UBE2E2: variants seen among roughly 807,000 people sequenced by gnomAD.
UBE2E2 encodes the protein ubiquitin conjugating enzyme E2 E2, also known as ubiquitin-conjugating enzyme E2 E2.
A neutral mutation model predicts 24.7 loss-of-function variants in UBE2E2; 6 were observed. The ratio of observed to expected loss-of-function variants is 0.24; its 90% CI spans 0.13 to 0.48. The LOEUF (loss-of-function observed/expected upper bound fraction) is 0.48. Ranked by LOEUF, UBE2E2 falls within the 20% of genes least tolerant of loss-of-function variation. The probability of loss-of-function intolerance (pLI) is 0.99; values close to 1 mark genes in which losing one functional copy is unlikely to be tolerated. For synonymous variants in UBE2E2, 104 were observed against 83.6 expected (o/e 1.24, Z -1.33); for missense variants, 169 against 245.0 (o/e 0.69, Z 2.07).
At chr3:23,298,692 G>T (rs62255343) in intron 3 of UBE2E2, among the ~76,000 whole-genome samples, 18 of 151,922 alleles carry the variant, frequency 1.2e-4, no homozygotes, top group African/African-American at 4.3e-4. Flanking sequence ...CGGTTTGCCA[G>T]TATTTTATTG....
chr3:23,524,150 C>CTTTTTTTTTTTTTTTTTT, intron 4 of UBE2E2, among the ~76,000 whole-genome samples: 1 of 151,952 alleles, frequency 6.6e-6, no homozygotes, highest in African/African-American at 2.4e-5. Context: ...ATTAGTTTTT[C>CTTTTTTTTTTTTTTTTTT]ATCTTGGAGG....
At chr3:23,497,193 G>A (rs1229161197) in intron 3 of UBE2E2, among the ~76,000 whole-genome samples, 1 of 152,130 alleles carries the variant, frequency 6.6e-6, no homozygotes, top group Non-Finnish European at 1.5e-5. Flanking sequence ...ACTTTTTCTT[G>A]TAATGGCATG....
intron 4 of UBE2E2, among the ~76,000 whole-genome samples, chr3:23,515,832 A>G (rs1313716275): frequency 6.6e-6 from 1 of 151,584 alleles, no homozygotes; most frequent in East Asian, 1.9e-4. Flanking sequence ...AAAACGAGCC[A>G]GGCGTGGTAG....
intron 3 of UBE2E2, among the ~76,000 whole-genome samples, chr3:23,451,637 G>C (rs918788041): frequency 2.6e-5 from 4 of 152,150 alleles, no homozygotes; most frequent in African/African-American, 4.8e-5. Context: ...TCCAAAATAA[G>C]CTAATATCCT....
intron 2 of UBE2E2, among the ~76,000 whole-genome samples, chr3:23,211,163 C>T (rs931338171): frequency 2.6e-5 from 4 of 152,044 alleles, no homozygotes; most frequent in East Asian, 1.9e-4. Context: ...TTATAGGGAT[C>T]GGATTTTCCA....
At chr3:23,442,051 A>G (rs1234264086) in intron 3 of UBE2E2, among the ~76,000 whole-genome samples, 1 of 152,174 alleles carries the variant, frequency 6.6e-6, no homozygotes, top group Admixed American at 6.5e-5. Context: ...TGTTGATTGT[A>G]ACTTTGGACT....
intron 3 of UBE2E2, among the ~76,000 whole-genome samples, chr3:23,410,898 C>T (rs143524958): frequency 2.3e-4 from 35 of 152,188 alleles, no homozygotes; most frequent in African/African-American, 4.6e-4. Flanking sequence ...AGAAGCAAAA[C>T]GCTTGAAAAA....
At chr3:23,219,448 G>A (rs997418811) in intron 3 of UBE2E2, among the ~76,000 whole-genome samples, 6 of 152,150 alleles carry the variant, frequency 3.9e-5, no homozygotes, top group Non-Finnish European at 7.4e-5. Flanking sequence ...CGGTGAAAAT[G>A]TGGTTACCAT....
chr3:23,465,826 G>C (rs1201069900), intron 3 of UBE2E2, among the ~76,000 whole-genome samples: 2 of 152,024 alleles, frequency 1.3e-5, no homozygotes, highest in Non-Finnish European at 2.9e-5. Context: ...GATAGCAAAG[G>C]AAAAGTGTAT....
chr3:23,329,015 A>G (rs1302796990), intron 3 of UBE2E2, among the ~76,000 whole-genome samples: 4 of 152,322 alleles, frequency 2.6e-5, no homozygotes, highest in Non-Finnish European at 4.4e-5. Context: ...TAAATTGAGT[A>G]CAATACTCAA....
At chr3:23,427,523 A>G (rs1337070033) in intron 3 of UBE2E2, among the ~76,000 whole-genome samples, 1 of 152,206 alleles carries the variant, frequency 6.6e-6, no homozygotes, top group African/African-American at 2.4e-5. Context: ...AGGGCAACAA[A>G]TAGAAAATTG....
intron 3 of UBE2E2, among the ~76,000 whole-genome samples, chr3:23,263,659 T>C (rs569336435): frequency 5.9e-5 from 9 of 152,348 alleles, no homozygotes; most frequent in Non-Finnish European, 1.2e-4. Flanking sequence ...AACATAGCCC[T>C]GCTTAATTTT....
intron 4 of UBE2E2, among the ~76,000 whole-genome samples, chr3:23,502,821 C>T (rs1699753088): frequency 6.6e-6 from 1 of 152,040 alleles, no homozygotes; most frequent in South Asian, 2.1e-4. Context: ...TATGTTTATG[C>T]CTTTTACTTA....
intron 3 of UBE2E2, among the ~76,000 whole-genome samples, chr3:23,397,246 A>C (rs1387933971): frequency 6.6e-6 from 1 of 152,194 alleles, no homozygotes; most frequent in African/African-American, 2.4e-5. Context: ...TGGAAGACCT[A>C]GTTGTCATCA....
intron 3 of UBE2E2, among the ~76,000 whole-genome samples, chr3:23,310,762 GATA>G (rs898507836): frequency 6.7e-4 from 102 of 152,244 alleles, no homozygotes; most frequent in African/African-American, 2.4e-3. Context: ...ACACATAAAA[GATA>G]ATGTCAGTTG....
chr3:23,495,789 C>G (rs964901492), intron 3 of UBE2E2, among the ~76,000 whole-genome samples: 5 of 152,168 alleles, frequency 3.3e-5, no homozygotes, highest in Non-Finnish European at 7.4e-5. Context: ...CATTGCCAGC[C>G]TCAGGAAAAG....
At chr3:23,313,303 A>AT (rs1694464082) in intron 3 of UBE2E2, among the ~76,000 whole-genome samples, 2 of 125,862 alleles carry the variant, frequency 1.6e-5, no homozygotes, top group African/African-American at 3.0e-5. Context: ...TGCATGGAAT[A>AT]TTTTTTTTCT....
At chr3:23,566,999 C>G (rs1315670142) in intron 5 of UBE2E2, among the ~76,000 whole-genome samples, 1 of 152,190 alleles carries the variant, frequency 6.6e-6, no homozygotes, top group Non-Finnish European at 1.5e-5. Context: ...AGAAAGTGAA[C>G]TTGACTGTGC....
chr3:23,215,447 C>T (rs1271817711), intron 2 of UBE2E2, among the ~76,000 whole-genome samples: 1 of 152,092 alleles, frequency 6.6e-6, no homozygotes, highest in Non-Finnish European at 1.5e-5. Context: ...TCTTTCTCTC[C>T]CCACCTCACC....
Sources: allele counts gnomAD v4.1 joint callset (sites outside exome capture counted in the v4.1 genomes callset), GRCh38; gene constraint gnomAD v4.1.1; transcripts MANE v1.5; gene names NCBI Gene and HGNC (gene_info 2026-07-23, HGNC 2026-07-21).